WDFY3: variants seen among roughly 807,000 people sequenced by gnomAD.
WDFY3 encodes WD repeat and FYVE domain containing 3.
A neutral mutation model predicts 409.6 loss-of-function variants in WDFY3; 66 were observed. The ratio of observed to expected loss-of-function variants is 0.16; its 90% CI spans 0.13 to 0.20. The LOEUF (loss-of-function observed/expected upper bound fraction) is 0.20, where lower values mean the gene tolerates loss of function less well. Ranked by LOEUF, WDFY3 falls within the 10% of genes least tolerant of loss-of-function variation. The pLI is 1.00. For missense variants in WDFY3, 3,031 were observed against 4,298.1 expected (o/e 0.71, Z 8.24); for synonymous variants, 1,521 against 1,537.1 (o/e 0.99, Z 0.25).
intron 8 of WDFY3, among the ~76,000 whole-genome samples, chr4:84,830,915 G>A (rs530178157): frequency 3.4e-4 from 52 of 152,110 alleles, no homozygotes; most frequent in Middle Eastern, 6.8e-3. Flanking sequence ...TTGGCCAGGC[G>A]CAGTGGCTGA....
chr4:84,724,404 A>C, intron 46 of WDFY3, 22 bp downstream of exon 46: 1 of 1,581,766 alleles, frequency 6.3e-7, no homozygotes, highest in East Asian at 2.3e-5. Context: ...ACTTTTAATC[A>C]AAATCAAAAA....
Position 84,831,493 on chromosome 4 carries a change from G to A in WDFY3, c.689C>T (p.Pro230Leu), listed in dbSNP as rs774561438. The change falls in exon 8 of 68, where the codon CCT becomes CTT. Residue 230 changes from proline (P) to leucine (L), a missense_variant. By Grantham distance (98) the Pro-to-Leu change is moderately conservative (BLOSUM62 -3). Around this residue, in one of 16 missense-constraint regions of WDFY3, gnomAD observed 1,322 missense variants for 1,697.9 expected, o/e 0.78. Transcript: ENST00000295888. Reference sequence around the variant, plus strand: ...GACTTCTCCAGCACTCTTTCTCCAAGGCAGGTTATAGGGAGGGCACCAAGA... The same window carrying A: ...GACTTCTCCAGCACTCTTTCTCCAAAGCAGGTTATAGGGAGGGCACCAAGA... ...ITSWCPPYNL[P>L]WRKSAGEVLM... 1 of 1,614,054 alleles carries A rather than the reference G, an allele frequency of 6.2e-7. No homozygotes were observed. The highest frequency in any genetic ancestry group is 1.1e-5 in the South Asian group (1 of 91,078).
At chr4:84,936,671 A>C (rs977918463) in intron 1 of WDFY3, among the ~76,000 whole-genome samples, 3 of 152,108 alleles carry the variant, frequency 2.0e-5, no homozygotes, top group Non-Finnish European at 2.9e-5. Context: ...AATTTTTAAC[A>C]AGCAGTTTTA....
intron 4 of WDFY3, among the ~76,000 whole-genome samples, chr4:84,858,259 C>T (rs1760049400): frequency 6.6e-6 from 1 of 151,888 alleles, no homozygotes; most frequent in Admixed American, 6.6e-5. Context: ...ATTTTACAGC[C>T]CAGAAATTGA....
chr4:84,781,605 A>C (rs1746535724), intron 25 of WDFY3, among the ~76,000 whole-genome samples: 1 of 152,082 alleles, frequency 6.6e-6, no homozygotes, highest in Admixed American at 6.6e-5. Context: ...TCCTAAGGTA[A>C]TTAGGGCCAG....
At position 84,677,395 on chromosome 4, in the gene WDFY3, C is replaced by G; in HGVS notation, c.10261G>C (p.Asp3421His). The G allele has an allele frequency of 1.2e-6, 2 of 1,609,208 alleles. No homozygotes were observed. Among genetic ancestry groups the G allele is most frequent in the Non-Finnish European group, 1.7e-6 (2 of 1,177,418 alleles). ...TCACCAACGAGGATCCTACTGTGAT[C>G]CCTGCAGGAGACACGACAGAGGAGG... ...AEVTALGISKDHSRILVGDSR... is the reference protein window; with the variant it reads ...AEVTALGISKHHSRILVGDSR... Residue 3421 changes from aspartate to histidine, a missense_variant and splice_region_variant, in exon 67 of 68, where the codon GAT becomes CAT. Asp to His is a moderately conservative substitution (Grantham distance 81, BLOSUM62 -1). Transcript: ENST00000295888.
chr4:84,691,816 G>C (rs1379930944), intron 59 of WDFY3, 31 bp from the exon 60 acceptor site: 1 of 1,563,688 alleles, frequency 6.4e-7, no homozygotes, highest in South Asian at 1.2e-5. Flanking sequence ...TATTAGGACA[G>C]GAACAGGAAA....
chr4:84,844,818 G>T (rs1757861004), intron 5 of WDFY3, among the ~76,000 whole-genome samples: 2 of 152,134 alleles, frequency 1.3e-5, no homozygotes, highest in Admixed American at 1.3e-4. Context: ...AAAATCTTAA[G>T]ATACACCCTC....
intron 7 of WDFY3, 74 bp from the exon 8 acceptor site, chr4:84,831,679 G>C: frequency 7.3e-7 from 1 of 1,366,226 alleles, no homozygotes; most frequent in South Asian, 1.4e-5. Flanking sequence ...ATGGGCAAAT[G>C]AGCTGAATGG....
At chr4:84,775,274 T>A in intron 27 of WDFY3, 136 bp from the exon 28 acceptor site, 1 of 733,934 alleles carries the variant, frequency 1.4e-6, no homozygotes, top group Non-Finnish European at 2.1e-6. Flanking sequence ...TAAAACCACT[T>A]ATATGCAGAA....
At chr4:84,844,192 T>C (rs1022283490) in intron 5 of WDFY3, among the ~76,000 whole-genome samples, 1 of 152,124 alleles carries the variant, frequency 6.6e-6, no homozygotes, top group African/African-American at 2.4e-5. Flanking sequence ...ATGCAAAACA[T>C]GTTAATAAGT....
intron 3 of WDFY3, among the ~76,000 whole-genome samples, chr4:84,874,939 A>C (rs1454911808): frequency 1.3e-5 from 2 of 152,160 alleles, no homozygotes; most frequent in African/African-American, 4.8e-5. Flanking sequence ...CCTGTACAGC[A>C]TGTTGCTGTA....
chr4:84,741,371 G>A (rs1276608888), intron 38 of WDFY3, among the ~76,000 whole-genome samples: 1 of 150,700 alleles, frequency 6.6e-6, no homozygotes, highest in Non-Finnish European at 1.5e-5. Flanking sequence ...CTGGAGTGCA[G>A]TACTGTGATC....
intron 13 of WDFY3, 93 bp from the exon 14 acceptor site, chr4:84,810,437 G>T: frequency 9.4e-7 from 1 of 1,059,722 alleles, no homozygotes; most frequent in Non-Finnish European, 1.3e-6. Context: ...TGTACATTCT[G>T]TGAATCTGAC....
chr4:84,894,785 GAAA>G (rs201916800), intron 3 of WDFY3, among the ~76,000 whole-genome samples: 17 of 133,384 alleles, frequency 1.3e-4, no homozygotes, highest in Middle Eastern at 3.8e-3. Context: ...GACTCAGTCT[GAAA>G]AAAAAAAAAA....
intron 1 of WDFY3, among the ~76,000 whole-genome samples, chr4:84,951,431 T>C (rs778594650): frequency 6.6e-6 from 1 of 152,338 alleles, no homozygotes; most frequent in East Asian, 1.9e-4. Flanking sequence ...TACTTTACCA[T>C]CTTTAAAAAT....
chr4:84,729,737 C>A (rs1186176495), intron 44 of WDFY3, among the ~76,000 whole-genome samples: 1 of 149,806 alleles, frequency 6.7e-6, no homozygotes, highest in Non-Finnish European at 1.5e-5. Flanking sequence ...GACTTTAAAA[C>A]AAGAAATTAA....
intron 22 of WDFY3, 98 bp from the exon 23 acceptor site, chr4:84,787,811 A>T (rs558218736): frequency 5.4e-5 from 59 of 1,092,162 alleles, no homozygotes; most frequent in Non-Finnish European, 1.0e-5. Flanking sequence ...AAGGTCACAC[A>T]ACTTTACAAA....
chr4:84,792,907 T>TA lies in WDFY3; in HGVS notation c.3487+1611dup, dbSNP rs1247370770. 2.6e-5 allele frequency among the ~76,000 whole-genome samples: 4 copies of TA among 152,316 alleles called. No individual in the cohort carries two copies. The East Asian group carries it at 5.8e-4, about 22-fold the overall frequency. ...GCCTAATACATTCTAGGTACTGTGTTAGATGACAGGGCAGCTTAGATTACA... is the reference window on the plus strand; with the variant it reads ...GCCTAATACATTCTAGGTACTGTGTTAAGATGACAGGGCAGCTTAGATTACA... On this transcript the variant is annotated intron_variant, in intron 21 of 67. Coordinates refer to ENST00000295888, the MANE Select transcript of WDFY3 (RefSeq NM_014991.6).
Sources: allele counts gnomAD v4.1 joint callset (sites outside exome capture counted in the v4.1 genomes callset), GRCh38; gene constraint gnomAD v4.1.1; regional missense constraint gnomAD v4.1.1; transcripts MANE v1.5; gene names NCBI Gene and HGNC (gene_info 2026-07-23, HGNC 2026-07-21).